The following NRXN3 variants were observed in gnomAD, a reference collection of about 807,000 sequenced individuals.
NRXN3 encodes neurexin III.
In NRXN3, 32 loss-of-function variants were observed where a neutral mutation model predicts 137.6. The ratio of observed to expected loss-of-function variants is 0.23; its 90% CI spans 0.18 to 0.31. The LOEUF is 0.31. Ranked by LOEUF, NRXN3 falls within the 10% of genes least tolerant of loss-of-function variation. NRXN3 has a pLI of 1.00. For synonymous variants in NRXN3, 798 were observed against 784.5 expected, an observed-to-expected ratio of 1.02 and a Z score of -0.29; for missense variants, 1,574 against 2,062.5, an observed-to-expected ratio of 0.76 and a Z score of 4.59.
intron 15 of NRXN3, among the ~76,000 whole-genome samples, chr14:79,033,873 C>T (rs182899960): frequency 6.6e-6 from 1 of 152,192 alleles, no homozygotes; most frequent in African/African-American, 2.4e-5. Context: ...GGGCATCAAC[C>T]ATCACAAGTT....
At chr14:79,359,666 G>A (rs897843261) in intron 15 of NRXN3, among the ~76,000 whole-genome samples, 1 of 150,872 alleles carries the variant, frequency 6.6e-6, no homozygotes, top group South Asian at 2.1e-4. Flanking sequence ...TTCCTCCAAG[G>A]TTCAAGTGAT....
At position 79,331,809 on chromosome 14, in the gene NRXN3, T is replaced by C. The variant is rs1312050997; in HGVS notation, c.3263-135412T>C. On this transcript the variant is annotated intron_variant, in intron 15 of 20. Transcript: ENST00000335750. Reference sequence around the variant, plus strand: ...TCTGCTCAAAGTGTAAAAAAAAAGTTTGCTTTTTAAAGTTTTAATTAAGGC... The same window carrying C: ...TCTGCTCAAAGTGTAAAAAAAAAGTCTGCTTTTTAAAGTTTTAATTAAGGC... Among the ~76,000 whole-genome samples, 3 of 151,788 alleles carry C rather than the reference T, an allele frequency of 2.0e-5. No homozygotes were observed. The East Asian group carries it at 5.8e-4, about 29-fold the overall frequency.
intron 16 of NRXN3, among the ~76,000 whole-genome samples, chr14:79,499,921 C>T (rs1196780437): frequency 6.7e-6 from 1 of 150,252 alleles, no homozygotes; most frequent in Admixed American, 6.7e-5. Context: ...ATATTAGGCC[C>T]CCTGTGTTTG....
chr14:78,860,624 T>C (rs1290769769), intron 10 of NRXN3, among the ~76,000 whole-genome samples: 1 of 152,186 alleles, frequency 6.6e-6, no homozygotes, highest in African/African-American at 2.4e-5. Flanking sequence ...ATATGTATTA[T>C]ATACTGTATT....
intron 6 of NRXN3, among the ~76,000 whole-genome samples, chr14:78,655,425 G>C (rs2097776909): frequency 6.6e-6 from 1 of 151,986 alleles, no homozygotes; most frequent in Admixed American, 6.6e-5. Flanking sequence ...GCAAATCATT[G>C]TCAGGAAAAA....
chr14:78,857,955 A>G (rs1310846211), intron 10 of NRXN3, among the ~76,000 whole-genome samples: 1 of 152,198 alleles, frequency 6.6e-6, no homozygotes, highest in Non-Finnish European at 1.5e-5. Flanking sequence ...AAGATTCTGA[A>G]TTAGTTTCTT....
At chr14:78,766,280 T>G (rs191414085) in intron 8 of NRXN3, among the ~76,000 whole-genome samples, 32 of 152,258 alleles carry the variant, frequency 2.1e-4, no homozygotes, top group African/African-American at 7.7e-4. Flanking sequence ...GGGTATCAGG[T>G]TGTATAAGCA....
At chr14:78,217,700 C>T (rs574617008) in intron 1 of NRXN3, among the ~76,000 whole-genome samples, 3 of 152,152 alleles carry the variant, frequency 2.0e-5, no homozygotes, top group Admixed American at 6.5e-5. Context: ...CTTGCTCTGT[C>T]GCCTGGGCTG....
chr14:78,735,060 A>G (rs2098535414), intron 8 of NRXN3, among the ~76,000 whole-genome samples: 1 of 152,196 alleles, frequency 6.6e-6, no homozygotes, highest in East Asian at 1.9e-4. Context: ...GTTCTCCAGG[A>G]AAGAGTTGAC....
intron 2 of NRXN3, among the ~76,000 whole-genome samples, chr14:78,273,140 T>C (rs1370092373): frequency 6.6e-6 from 1 of 152,210 alleles, no homozygotes; most frequent in East Asian, 1.9e-4. Flanking sequence ...TTATCCCATT[T>C]TGTCCTCACG....
Position 78,215,159 on chromosome 14 carries a change from T to C in NRXN3, c.-703-27232T>C, listed in dbSNP as rs117091116. Among the ~76,000 whole-genome samples the C allele has an allele frequency of 3.4e-3, 520 of 152,204 alleles. 24 individuals carry two copies. The East Asian group carries it at 0.083, about 24-fold the overall frequency. ...CACTGGAGATGGGGGTGGATGGGGGTACTGTCCAGACCCTGTTGCTGATCC... is the reference window on the plus strand; with the variant it reads ...CACTGGAGATGGGGGTGGATGGGGGCACTGTCCAGACCCTGTTGCTGATCC... On this transcript the variant is annotated intron_variant, in intron 1 of 20. Coordinates refer to ENST00000335750, the MANE Select transcript of NRXN3 (RefSeq NM_001330195.2).
At chr14:79,390,879 G>T (rs1296797609) in intron 15 of NRXN3, among the ~76,000 whole-genome samples, 3 of 152,264 alleles carry the variant, frequency 2.0e-5, no homozygotes, top group Admixed American at 2.0e-4. Flanking sequence ...CTTCATGATT[G>T]AATTAATGTC....
chr14:79,790,793 G>A (rs2099142787), intron 19 of NRXN3, among the ~76,000 whole-genome samples: 2 of 151,866 alleles, frequency 1.3e-5, no homozygotes, highest in African/African-American at 4.8e-5. Context: ...GCTAATTTTT[G>A]TGTTTTTAGT....
At chr14:79,374,202 A>T (rs2094193774) in intron 15 of NRXN3, among the ~76,000 whole-genome samples, 1 of 152,216 alleles carries the variant, frequency 6.6e-6, no homozygotes. Context: ...TAAAAATCTT[A>T]GCACTATCAA....
rs1288030057 is a variant in NRXN3, at chr14:79,862,224, A to G, written c.*260A>G. 2.4e-6 allele frequency: 1 copy of G among 420,534 alleles called. No homozygotes were observed. 26.1% of individuals were successfully genotyped at this position (420,534 alleles called of 1,614,324 possible). A position where few individuals can be genotyped will look rare whatever the true frequency, so the allele number is the denominator to read the frequency against. On this transcript the variant is annotated 3_prime_UTR_variant, in exon 21 of 21. Transcript: ENST00000335750. ...AGAAGGTTTTGTGCCCTGCTGTATC[A>G]TAAAGCACACACTTAGCGCTCTGGA...
At chr14:79,823,583 G>A (rs918236383) in intron 20 of NRXN3, among the ~76,000 whole-genome samples, 1 of 152,008 alleles carries the variant, frequency 6.6e-6, no homozygotes, top group Non-Finnish European at 1.5e-5. Flanking sequence ...CTCAAAAAAT[G>A]AAACAGAACA....
At chr14:78,253,970 T>C (rs1487109628) in intron 2 of NRXN3, among the ~76,000 whole-genome samples, 1 of 152,218 alleles carries the variant, frequency 6.6e-6, no homozygotes, top group African/African-American at 2.4e-5. Context: ...ATCTGACCTT[T>C]GTAATGGGCC....
chr14:79,505,327 C>T (rs1435077112), intron 16 of NRXN3, among the ~76,000 whole-genome samples: 4 of 152,014 alleles, frequency 2.6e-5, no homozygotes, highest in Non-Finnish European at 4.4e-5. Context: ...AATATGGTTC[C>T]AGTTGGTGAG....
chr14:78,677,351 A>T (rs1218135649), intron 6 of NRXN3, among the ~76,000 whole-genome samples: 1 of 152,108 alleles, frequency 6.6e-6, no homozygotes, highest in Non-Finnish European at 1.5e-5. Flanking sequence ...GAAGAAGTTG[A>T]TCACAACCCT....
Sources: gnomAD v4.1 joint callset for allele counts (sites outside exome capture counted in the v4.1 genomes callset) on GRCh38, gnomAD v4.1.1 for gene constraint, MANE v1.5 for transcripts, NCBI Gene and HGNC (gene_info 2026-07-23, HGNC 2026-07-21) for gene names.